SGCD: variants seen among roughly 807,000 people sequenced by gnomAD.
SGCD encodes delta-sarcoglycan.
A neutral mutation model predicts 36.6 loss-of-function variants in SGCD; 18 were observed. The observed-to-expected ratio is 0.49, with a 90% CI of 0.34 to 0.73. The LOEUF (loss-of-function observed/expected upper bound fraction) is 0.73, where lower values mean the gene tolerates loss of function less well. Ranked by LOEUF, SGCD falls within the 30% of genes least tolerant of loss-of-function variation. The pLI is 0.01. For missense variants in SGCD, 387 were observed against 346.7 expected, an observed-to-expected ratio of 1.12 and a Z score of -0.92; for synonymous variants, 133 against 130.6, an observed-to-expected ratio of 1.02 and a Z score of -0.12.
At chr5:156,207,871 GA>G (rs1335489529) in intron 3 of SGCD, among the ~76,000 whole-genome samples, 1 of 151,908 alleles carries the variant, frequency 6.6e-6, no homozygotes, top group Non-Finnish European at 1.5e-5. Context: ...TCTTTTTCCT[GA>G]ATAGAAAAAT....
chr5:156,125,891 T>C (rs1033731870), intron 3 of SGCD, among the ~76,000 whole-genome samples: 5 of 143,474 alleles, frequency 3.5e-5, no homozygotes, highest in Non-Finnish European at 7.6e-5. Context: ...ATTATTATTA[T>C]TTTGGAGATG....
chr5:156,755,460 C>T (rs965814168), intron 7 of SGCD, among the ~76,000 whole-genome samples: 2 of 152,130 alleles, frequency 1.3e-5, no homozygotes, highest in African/African-American at 4.8e-5. Context: ...GCAAAAAAAA[C>T]CATCTTCATA....
intron 3 of SGCD, among the ~76,000 whole-genome samples, chr5:156,502,471 A>T (rs1756502365): frequency 6.6e-6 from 1 of 152,076 alleles, no homozygotes; most frequent in South Asian, 2.1e-4. Flanking sequence ...AGTAGCTGGG[A>T]CTACAGGTAT....
At chr5:156,508,347 G>C (rs907819252) in intron 3 of SGCD, among the ~76,000 whole-genome samples, 1 of 152,010 alleles carries the variant, frequency 6.6e-6, no homozygotes, top group Non-Finnish European at 1.5e-5. Flanking sequence ...ACCCCAATCT[G>C]TGTGTGTGGA....
chr5:155,995,930 T>A (rs1758531097), intron 1 of SGCD, among the ~76,000 whole-genome samples: 2 of 147,262 alleles, frequency 1.4e-5, no homozygotes, highest in African/African-American at 2.5e-5. Context: ...TGTATTTATC[T>A]GTCAAAACTG....
At chr5:155,796,449 C>T in the SGCD span, among the ~76,000 whole-genome samples, 1 of 151,542 alleles carries the variant, frequency 6.6e-6, no homozygotes, top group African/African-American at 2.4e-5. Flanking sequence ...GCAGCTAAAG[C>T]AGTGAATAGA....
chr5:156,038,849 TC>T (rs1759564486), intron 1 of SGCD, among the ~76,000 whole-genome samples: 1 of 152,158 alleles, frequency 6.6e-6, no homozygotes, highest in South Asian at 2.1e-4. Context: ...TTAATTTTTT[TC>T]CTGTCTAACA....
chr5:155,793,184 A>T, the SGCD span, among the ~76,000 whole-genome samples: 1 of 152,240 alleles, frequency 6.6e-6, no homozygotes, highest in African/African-American at 2.4e-5. Context: ...GTTCTCACTT[A>T]TAAGTGGGAG....
chr5:155,903,557 C>T (rs1285208262), intron 1 of SGCD, among the ~76,000 whole-genome samples: 1 of 152,268 alleles, frequency 6.6e-6, no homozygotes, highest in Non-Finnish European at 1.5e-5. Flanking sequence ...CTGAGTGAAG[C>T]AGCTTCCCAC....
intron 1 of SGCD, among the ~76,000 whole-genome samples, chr5:156,074,601 A>G (rs187484566): frequency 2.0e-5 from 3 of 152,166 alleles, no homozygotes; most frequent in African/African-American, 7.2e-5. Context: ...AATCACTTGA[A>G]CCCAGGAGGC....
At chr5:155,804,868 C>T in the SGCD span, among the ~76,000 whole-genome samples, 2 of 152,120 alleles carry the variant, frequency 1.3e-5, no homozygotes, top group Non-Finnish European at 2.9e-5. Flanking sequence ...ATCTATGTAC[C>T]AGACATGTGT....
At chr5:155,823,121 GCTAT>G in the SGCD span, among the ~76,000 whole-genome samples, 1 of 132,008 alleles carries the variant, frequency 7.6e-6, no homozygotes, top group Non-Finnish European at 1.6e-5. Context: ...TATCTGGCTA[GCTAT>G]CTAGCTACCT....
chr5:156,374,450 C>G (rs1174115252), intron 3 of SGCD, among the ~76,000 whole-genome samples: 2 of 152,056 alleles, frequency 1.3e-5, no homozygotes, highest in African/African-American at 4.8e-5. Context: ...TCTTGGTCAT[C>G]AGCTATTGAG....
At position 156,360,440 on chromosome 5, in the gene SGCD, G is replaced by T. The variant is rs866921465; in HGVS notation, c.192+15763G>T. Among the ~76,000 whole-genome samples the T allele has an allele frequency of 3.4e-4, 51 of 152,056 alleles. 1 individual carries two copies. The highest frequency in any genetic ancestry group is 4.1e-4 in the South Asian group (2 of 4,828). Reference sequence around the variant, plus strand: ...TTTTTGTATTTTTAGTAGAGATGGGGTTTCACCATGTTGGCCAGGCTGGTC... The same window carrying T: ...TTTTTGTATTTTTAGTAGAGATGGGTTTTCACCATGTTGGCCAGGCTGGTC... On this transcript the variant is annotated intron_variant, in intron 3 of 8. Coordinates refer to ENST00000337851, the MANE Select transcript of SGCD (RefSeq NM_000337.6).
intron 3 of SGCD, among the ~76,000 whole-genome samples, chr5:156,136,654 C>G (rs1263555945): frequency 6.6e-6 from 1 of 152,030 alleles, no homozygotes; most frequent in African/African-American, 2.4e-5. Context: ...GACGAAGATT[C>G]CATATAAGGA....
chr5:156,756,790 A>G (rs1023883991), intron 7 of SGCD, among the ~76,000 whole-genome samples: 1 of 152,144 alleles, frequency 6.6e-6, no homozygotes, highest in African/African-American at 2.4e-5. Flanking sequence ...AAGTTCCGTC[A>G]CACAAAACAT....
chr5:155,789,903 C>A, the SGCD span, among the ~76,000 whole-genome samples: 1 of 152,036 alleles, frequency 6.6e-6, no homozygotes, highest in Non-Finnish European at 1.5e-5. Context: ...ATCCATTGTT[C>A]TGTATCCCAG....
At chr5:156,536,219 TA>T (rs1401470357) in intron 4 of SGCD, among the ~76,000 whole-genome samples, 1 of 152,192 alleles carries the variant, frequency 6.6e-6, no homozygotes, top group East Asian at 1.9e-4. Context: ...GACATTCTTA[TA>T]AGGTCGTTTA....
chr5:155,871,987 C>T (rs753946346), intron 1 of SGCD, among the ~76,000 whole-genome samples: 1 of 152,156 alleles, frequency 6.6e-6, no homozygotes, highest in Non-Finnish European at 1.5e-5. Flanking sequence ...TTTGCCAAGG[C>T]AAGAAATAAT....
Sources: gnomAD v4.1 joint callset for allele counts (sites outside exome capture counted in the v4.1 genomes callset) on GRCh38, gnomAD v4.1.1 for gene constraint, MANE v1.5 for transcripts, NCBI Gene and HGNC (gene_info 2026-07-23, HGNC 2026-07-21) for gene names.